The following ABCC12 variants were observed in gnomAD, a reference collection of about 807,000 sequenced individuals.
The protein encoded by ABCC12 is ATP-binding cassette sub-family C member 12.
Under a neutral mutation model 151.1 loss-of-function variants are expected in ABCC12, and 142 were observed. The ratio of observed to expected loss-of-function variants is 0.94; its 90% confidence interval spans 0.82 to 1.08. The LOEUF (loss-of-function observed/expected upper bound fraction) is 1.08. ABCC12 is among the 50% of genes least tolerant of loss of function. The pLI, the probability that ABCC12 is intolerant of heterozygous loss-of-function variation, is 0.00. For synonymous variants in ABCC12, 645 were observed against 646.4 expected (o/e 1.00, Z 0.03); for missense variants, 1,638 against 1,691.1 (o/e 0.97, Z 0.55).
intron 14 of ABCC12, among the ~76,000 whole-genome samples, chr16:48,116,318 G>T (rs1963882305): frequency 6.6e-6 from 1 of 152,208 alleles, no homozygotes; most frequent in East Asian, 1.9e-4. Context: ...CTCTCCCTGG[G>T]GAGCTCCACG....
intron 15 of ABCC12, among the ~76,000 whole-genome samples, chr16:48,114,877 G>A (rs1054140234): frequency 1.3e-5 from 2 of 152,214 alleles, no homozygotes; most frequent in Non-Finnish European, 2.9e-5. Context: ...CTTAGCCTGA[G>A]ACAGTGGCCC....
Position 48,083,981 on chromosome 16 carries a change from A to T in ABCC12, c.3921T>A (p.Thr1307=). The T allele has an allele frequency of 1.2e-6, 2 of 1,613,232 alleles. No individual in the cohort carries two copies. The highest frequency in any genetic ancestry group is 1.7e-6 in the Non-Finnish European group (2 of 1,179,818). ...TGAGGCGGTGGGCGATGGTCAGCACAGTGCAGCCCTTGAAGGCATCTTTGA... is the reference window on the plus strand; with the variant it reads ...TGAGGCGGTGGGCGATGGTCAGCACTGTGCAGCCCTTGAAGGCATCTTTGA... ...NTIKDAFKGC[T]VLTIAHRLNT... Residue 1307 remains threonine, a synonymous_variant, in exon 30 of 31, where the codon ACT becomes ACA. Coordinates refer to ENST00000311303, the MANE Select transcript of ABCC12 (RefSeq NM_001393797.1).
intron 23 of ABCC12, among the ~76,000 whole-genome samples, chr16:48,098,320 C>A (rs908471783): frequency 6.6e-6 from 1 of 152,092 alleles, no homozygotes; most frequent in Non-Finnish European, 1.5e-5. Flanking sequence ...GTAGAAACTA[C>A]TGGGGGAAAA....
At chr16:48,100,787 C>A in intron 23 of ABCC12, 85 bp downstream of exon 23, 1 of 1,502,382 alleles carries the variant, frequency 6.7e-7, no homozygotes, top group Admixed American at 2.1e-5. Context: ...CCCCAGCAGC[C>A]CAGACTTCCC....
chr16:48,143,939 T>G lies in ABCC12; in HGVS notation c.246A>C (p.Thr82=). The change falls in exon 4 of 31, where the codon ACA becomes ACC. Residue 82 remains threonine, a synonymous_variant. Transcript: ENST00000311303. ...LTVDTLPPLS[T]YDSSDTNAKR... Reference sequence around the variant, plus strand: ...TGGCATTGGTGTCAGATGAGTCATATGTCGACAATGGGGGCAGGGTGTCTA... The same window carrying G: ...TGGCATTGGTGTCAGATGAGTCATAGGTCGACAATGGGGGCAGGGTGTCTA... The G allele has an allele frequency of 1.2e-6, 2 of 1,614,168 alleles. No individual in the cohort carries two copies. The highest frequency in any genetic ancestry group is 1.7e-6 in the Non-Finnish European group (2 of 1,180,000).
chr16:48,140,839 G>A lies in ABCC12; in HGVS notation c.505C>T (p.Leu169Phe), dbSNP rs925991628. Residue 169 changes from leucine (L) to phenylalanine (F), a missense_variant, in exon 6 of 31, where the codon CTT (leucine) becomes TTT (phenylalanine). By Grantham distance (22) the Leu-to-Phe change is conservative. Coordinates refer to ENST00000311303, the MANE Select transcript of ABCC12 (RefSeq NM_001393797.1). Reference sequence around the variant, plus strand: ...ACTTTGGTAAACTCGGTGGCAAAAAGGGCTATGCACAGTCCAATGCCAACC... The same window carrying A: ...ACTTTGGTAAACTCGGTGGCAAAAAAGGCTATGCACAGTCCAATGCCAACC... ...VWVGIGLCIA[L>F]FATEFTKVFF... 1 of 1,614,124 alleles carries A rather than the reference G, an allele frequency of 6.2e-7. No homozygotes were observed. Among genetic ancestry groups the A allele is most frequent in the East Asian group, 2.2e-5 (1 of 44,866 alleles).
intron 20 of ABCC12, 97 bp downstream of exon 20, chr16:48,107,225 C>T: frequency 8.5e-7 from 1 of 1,173,642 alleles, no homozygotes. Context: ...TGCATGTGGG[C>T]TCATGGCATG....
chr16:48,147,643 A>G (rs755059586), intron 2 of ABCC12, among the ~76,000 whole-genome samples: 6 of 152,230 alleles, frequency 3.9e-5, no homozygotes, highest in Non-Finnish European at 7.3e-5. Flanking sequence ...TCAAGAGTAT[A>G]TAGAGAATGA....
At position 48,139,293 on chromosome 16, in the gene ABCC12, G is replaced by C. The variant is rs1204611034; in HGVS notation, c.701C>G (p.Ala234Gly). The change falls in exon 7 of 31, where the codon GCT becomes GGT. Residue 234 changes from alanine (A) to glycine (G), a missense_variant. Ala to Gly is a moderately conservative substitution (Grantham distance 60, BLOSUM62 0). Transcript: ENST00000311303. The part of the protein sequence containing the change: ...LSSDSYSLFE[A>G]ALFCPLPATI... ...GGCTGGCAAAGGACAAAACAAGGCA[G>C]CTTCAAACAAAGAATAGCTATCACT... The C allele has an allele frequency of 1.9e-6, 3 of 1,613,560 alleles. No individual in the cohort carries two copies. In the Admixed American group the frequency reaches 5.0e-5, roughly 27 times the overall value.
intron 9 of ABCC12, among the ~76,000 whole-genome samples, chr16:48,132,763 G>A (rs542422381): frequency 6.6e-6 from 1 of 152,304 alleles, no homozygotes; most frequent in African/African-American, 2.4e-5. Context: ...AAGAAGAATA[G>A]CTGACACTTG....
chr16:48,123,967 C>A (rs899558581), intron 12 of ABCC12, among the ~76,000 whole-genome samples: 1 of 152,214 alleles, frequency 6.6e-6, no homozygotes, highest in African/African-American at 2.4e-5. Context: ...GAGCTTTAGG[C>A]AAGGAGGCAA....
rs1962731922 is a variant in ABCC12 at position 48,088,595 on chromosome 16, A to G, written c.3425T>C (p.Leu1142Ser). Residue 1142 changes from leucine (L) to serine (S), a missense_variant, in exon 26 of 31, where the codon TTG becomes TCG. By Grantham distance (145) the Leu-to-Ser change is moderately radical. Transcript: ENST00000311303. The stretch of plus-strand genomic sequence containing the variant: ...GACTGTCTGCCCACTTTGTATGTTC[A>G]AGTTCAGGCTGTCGAGAACAAGGGG... ...NTPLVLDSLNLNIQSGQTVGI... is the reference protein window; with the variant it reads ...NTPLVLDSLNSNIQSGQTVGI... The G allele has an allele frequency of 1.9e-6, 3 of 1,614,218 alleles. No individual in the cohort carries two copies. Among genetic ancestry groups the G allele is most frequent in the Non-Finnish European group, 2.5e-6 (3 of 1,180,038 alleles).
intron 23 of ABCC12, among the ~76,000 whole-genome samples, chr16:48,098,952 T>C (rs1418785753): frequency 6.6e-6 from 1 of 152,160 alleles, no homozygotes; most frequent in East Asian, 1.9e-4. Flanking sequence ...GCCAGGACTT[T>C]GGAAGTGTCT....
chr16:48,141,072 T>C, intron 5 of ABCC12, 134 bp downstream of exon 5: 2 of 1,418,958 alleles, frequency 1.4e-6, no homozygotes, highest in South Asian at 1.4e-5. Flanking sequence ...ATTCACTTTA[T>C]GAAAATTCGC....
chr16:48,089,742 TTTTTAG>T (rs1239456379), intron 25 of ABCC12, among the ~76,000 whole-genome samples: 1 of 152,214 alleles, frequency 6.6e-6, no homozygotes, highest in Non-Finnish European at 1.5e-5. Context: ...AACAGTAATA[TTTTTAG>T]TTTAAGAAAT....
rs750502026 is a variant in ABCC12 at position 48,101,012 on chromosome 16, G to A, written c.2901-3C>T. The A allele has an allele frequency of 1.2e-6, 2 of 1,613,736 alleles. No individual in the cohort carries two copies. Among genetic ancestry groups the A allele is most frequent in the East Asian group, 4.5e-5 (2 of 44,870 alleles). ...CCTGGACTCCTCTGTGGAAAATGCT[G>A]GAAGAAAATTGAAAGGGGCCAGGTG... On this transcript the variant is annotated splice_polypyrimidine_tract_variant and splice_region_variant and intron_variant, in intron 22 of 30. Coordinates refer to ENST00000311303, the MANE Select transcript of ABCC12 (RefSeq NM_001393797.1).
At chr16:48,135,696 C>G (rs185720134) in intron 8 of ABCC12, among the ~76,000 whole-genome samples, 65 of 152,250 alleles carry the variant, frequency 4.3e-4, no homozygotes, top group Non-Finnish European at 1.8e-4. Context: ...AATGAAAAAA[C>G]ATTTTTAAAT....
chr16:48,113,153 T>C (rs1284937532), intron 15 of ABCC12, among the ~76,000 whole-genome samples: 1 of 152,226 alleles, frequency 6.6e-6, no homozygotes, highest in Non-Finnish European at 1.5e-5. Flanking sequence ...TGCTCTTGAT[T>C]ACAAGCCTGA....
intron 20 of ABCC12, among the ~76,000 whole-genome samples, chr16:48,105,617 C>T (rs148828535): frequency 6.4e-4 from 98 of 152,282 alleles, no homozygotes; most frequent in Non-Finnish European, 9.9e-4. Context: ...GGCAGACATC[C>T]CCGAAGCTCA....
Sources: allele counts gnomAD v4.1 joint callset (sites outside exome capture counted in the v4.1 genomes callset), GRCh38; gene constraint gnomAD v4.1.1; transcripts MANE v1.5; gene names NCBI Gene and HGNC (gene_info 2026-07-23, HGNC 2026-07-21).